Variants in IFT122 observed in about 807,000 individuals in gnomAD.
The protein encoded by IFT122 is intraflagellar transport protein 122 homolog.
In IFT122, 118 loss-of-function variants were observed where a neutral mutation model predicts 161.6. The observed-to-expected ratio is 0.73, with a 90% CI of 0.63 to 0.85. The LOEUF (loss-of-function observed/expected upper bound fraction) is 0.85. Ranked by LOEUF, IFT122 falls within the 40% of genes least tolerant of loss-of-function variation. IFT122 has a pLI of 0.00. For missense variants in IFT122, 1,381 were observed against 1,579.6 expected (o/e 0.87, Z 2.13); for synonymous variants, 550 against 602.4 (o/e 0.91, Z 1.27).
intron 29 of IFT122, 78 bp from the exon 30 acceptor site, chr3:129,520,098 G>T: frequency 1.7e-6 from 2 of 1,181,086 alleles, no homozygotes; most frequent in Middle Eastern, 2.7e-4. Flanking sequence ...CCCCTTGAGA[G>T]GCAGTGCGTC....
chr3:129,519,710 C>G lies in IFT122; in HGVS notation c.3614C>G (p.Thr1205Ser), dbSNP rs554218069. 4.1e-5 allele frequency: 66 copies of G among 1,613,780 alleles called. No homozygotes were observed. In the South Asian group the frequency reaches 6.4e-4, roughly 16 times the overall value. The change falls in exon 29 of 30, where the codon ACC (threonine) becomes AGC (serine). Residue 1205 changes from threonine (T) to serine (S), a missense_variant. Thr to Ser is a moderately conservative substitution (Grantham distance 58). This residue lies in a region of IFT122 where 177 missense variants were observed against 199.2 expected (regional missense o/e 0.89). Transcript: ENST00000348417. ...FRSLLPDASI[T>S]MCPSCFQMFH... ...TCACTGCTGCCTGACGCCTCCATTA[C>G]CATGTGCCCCTCCTGCTTCCAGGTA...
At chr3:129,487,416 G>T (rs4600811) in intron 15 of IFT122, 11,142 of 152,406 alleles carry the variant, frequency 0.073, 1,118 homozygotes, top group East Asian at 0.41. Flanking sequence ...GGTCTCCTGG[G>T]CTGTAGCCAG....
At chr3:129,471,685 G>A (rs971971530) in intron 9 of IFT122, among the ~76,000 whole-genome samples, 3 of 152,168 alleles carry the variant, frequency 2.0e-5, no homozygotes, top group Admixed American at 6.5e-5. Context: ...ACTTGTTTGG[G>A]ACAGTAAAAT....
At chr3:129,457,655 T>G (rs1378056615) in intron 3 of IFT122, among the ~76,000 whole-genome samples, 1 of 151,902 alleles carries the variant, frequency 6.6e-6, no homozygotes, top group Non-Finnish European at 1.5e-5. Context: ...ACAAAAGGAG[T>G]ACATTTTTGA....
rs908171699 is a variant in IFT122, at chr3:129,515,394, T to G, written c.3154-94T>G. On this transcript the variant is annotated intron_variant, in intron 25 of 29. Coordinates refer to ENST00000348417, the MANE Select transcript of IFT122 (RefSeq NM_052989.3). ...TGCCCACCCGGGTGGCCTTTCCTCT[T>G]GGCAGCCAGGCCCCAGGGGCCTGAA... 2.8e-6 allele frequency: 3 copies of G among 1,060,094 alleles called. No individual in the cohort carries two copies. In the African/African-American group the frequency reaches 5.1e-5, roughly 18 times the overall value. The allele number at this position is 1,060,094 out of a possible 1,614,324, so 65.7% of individuals were successfully genotyped here.
Position 129,449,606 on chromosome 3 carries a change from T to C in IFT122, c.42-265T>C, listed in dbSNP as rs55669321. On this transcript the variant is annotated intron_variant, in intron 1 of 29. Transcript: ENST00000348417. ...TAGAAGAGTTAATACCCTCAACAGT[T>C]GACCCTTTGAATAATTTCTTGTGTC... 0.13 allele frequency among the ~76,000 whole-genome samples: 20,114 copies of C among 152,254 alleles called. 1,689 individuals carry two copies. The highest frequency in any genetic ancestry group is 0.24 in the South Asian group (1,157 of 4,816).
At position 129,515,003 on chromosome 3, in the gene IFT122, T is replaced by A. The variant is rs115580670; in HGVS notation, c.3153+449T>A. The A allele has an allele frequency of 9.7e-4, 349 of 359,834 alleles. 1 individual carries two copies. Among genetic ancestry groups the A allele is most frequent in the African/African-American group, 6.2e-3 (296 of 47,748 alleles). 22.3% of individuals were successfully genotyped at this position (359,834 alleles called of 1,614,324 possible). On this transcript the variant is annotated intron_variant, in intron 25 of 29. Coordinates refer to ENST00000348417, the MANE Select transcript of IFT122 (RefSeq NM_052989.3). ...CCAGCCAGCTTCCTTCTTTCACACA[T>A]CCTCCCTCAAGCTCAGAGCAAGGAC...
At chr3:129,464,511 A>G in intron 6 of IFT122, 124 bp from the exon 7 acceptor site, 1 of 1,119,348 alleles carries the variant, frequency 8.9e-7, no homozygotes, top group South Asian at 1.3e-5. Context: ...CAATAATGAA[A>G]CCATATCCCA....
At chr3:129,441,779 A>T (rs2073169610) in intron 1 of IFT122, among the ~76,000 whole-genome samples, 1 of 152,228 alleles carries the variant, frequency 6.6e-6, no homozygotes, top group South Asian at 2.1e-4. Context: ...CGTATCAGTG[A>T]ATCTTTCATT....
chr3:129,456,273 A>G (rs2075470426), intron 3 of IFT122: 9 of 1,254,526 alleles, frequency 7.2e-6, no homozygotes, highest in Non-Finnish European at 9.2e-6. Context: ...TAGTAAGAGC[A>G]GTTTCTTTGT....
At chr3:129,446,448 C>T (rs1479398481) in intron 1 of IFT122, among the ~76,000 whole-genome samples, 1 of 152,060 alleles carries the variant, frequency 6.6e-6, no homozygotes, top group Non-Finnish European at 1.5e-5. Flanking sequence ...GTCTCCTGAC[C>T]TCATGATCCA....
chr3:129,463,607 A>G lies in IFT122; in HGVS notation c.397A>G (p.Ser133Gly). The G allele has an allele frequency of 3.1e-6, 5 of 1,613,856 alleles. No homozygotes were observed. The highest frequency in any genetic ancestry group is 4.2e-6 in the Non-Finnish European group (5 of 1,179,800). The change falls in exon 6 of 30, where the codon AGC (serine) becomes GGC (glycine). Residue 133 changes from serine (S) to glycine (G), a missense_variant. Ser to Gly is a moderately conservative substitution (Grantham distance 56). Around this residue, in one of 7 missense-constraint regions of IFT122, gnomAD observed 544 missense variants for 648.0 expected, o/e 0.84. Transcript: ENST00000348417. ...QKSVSKHKSS[S>G]KIICCSWTND... ...GTCTGTCTCCAAACACAAATCAAGC[A>G]GCAAGATCATCTGCTGCAGGTAAGT...
At chr3:129,465,028 G>A (rs2076564752) in intron 7 of IFT122, among the ~76,000 whole-genome samples, 1 of 151,972 alleles carries the variant, frequency 6.6e-6, no homozygotes, top group Admixed American at 6.6e-5. Context: ...AAGCAGATGA[G>A]CTATTTAGGA....
chr3:129,483,847 C>T, intron 15 of IFT122, 165 bp downstream of exon 15: 1 of 730,068 alleles, frequency 1.4e-6, no homozygotes, highest in Non-Finnish European at 2.4e-6. Context: ...CCTGTCTCCA[C>T]TCCTTGCAAC....
intron 23 of IFT122, among the ~76,000 whole-genome samples, chr3:129,512,059 G>A (rs1252996193): frequency 6.6e-6 from 1 of 152,154 alleles, no homozygotes; most frequent in Non-Finnish European, 1.5e-5. Flanking sequence ...TTGGTGACTT[G>A]GGCAAATCAT....
chr3:129,466,471 C>G (rs2076785224), intron 7 of IFT122, among the ~76,000 whole-genome samples: 1 of 148,840 alleles, frequency 6.7e-6, no homozygotes, highest in Middle Eastern at 3.3e-3. Flanking sequence ...GGTTCAGAGG[C>G]TCCTTTTATT....
At chr3:129,450,886 A>T (rs971544026) in intron 2 of IFT122, among the ~76,000 whole-genome samples, 1 of 151,680 alleles carries the variant, frequency 6.6e-6, no homozygotes, top group Admixed American at 6.6e-5. Flanking sequence ...ACGCTCAGCT[A>T]ATTTTTTGTA....
At chr3:129,482,733 A>C (rs1367087339) in intron 14 of IFT122, among the ~76,000 whole-genome samples, 1 of 152,194 alleles carries the variant, frequency 6.6e-6, no homozygotes, top group Non-Finnish European at 1.5e-5. Context: ...GTGTGATCTT[A>C]AGTTAGTGAG....
chr3:129,454,613 C>T (rs1306450523), intron 3 of IFT122, among the ~76,000 whole-genome samples: 1 of 149,302 alleles, frequency 6.7e-6, no homozygotes, highest in African/African-American at 2.5e-5. Context: ...AGGAGGGAGC[C>T]TGGAGAGCTG....
Sources: gnomAD v4.1 joint callset for allele counts (sites outside exome capture counted in the v4.1 genomes callset) on GRCh38, gnomAD v4.1.1 for gene constraint, gnomAD v4.1.1 regional missense constraint, MANE v1.5 for transcripts, NCBI Gene and HGNC (gene_info 2026-07-23, HGNC 2026-07-21) for gene names.